The following N4BP2 variants were observed in gnomAD, a reference collection of about 807,000 sequenced individuals.
N4BP2 encodes NEDD4-binding protein 2.
N4BP2 carries 91 observed loss-of-function variants against 152.8 expected under a neutral mutation model. That is an observed-to-expected ratio of 0.60 (90% CI 0.50 to 0.71). The LOEUF (loss-of-function observed/expected upper bound fraction) is 0.71. N4BP2 is among the 30% of genes least tolerant of loss of function. N4BP2 has a pLI of 0.00. For missense variants in N4BP2, 1,923 were observed against 2,059.1 expected (o/e 0.93, Z 1.28); for synonymous variants, 646 against 705.3 (o/e 0.92, Z 1.33).
At position 40,103,235 on chromosome 4, in the gene N4BP2, G is replaced by A; in HGVS notation, c.1373+17G>A. On this transcript the variant is annotated intron_variant, in intron 4 of 17. Transcript: ENST00000261435. ...TTTGGCAAGGTATGAGGTTTGATTG[G>A]GTTTTTAAAAAATAGTATAATGTCT... 1 of 1,566,186 alleles carries A rather than the reference G, an allele frequency of 6.4e-7. No individual in the cohort carries two copies. Among genetic ancestry groups the A allele is most frequent in the South Asian group, 1.2e-5 (1 of 83,110 alleles).
At chr4:40,125,375 C>G (rs1018261040) in intron 11 of N4BP2, among the ~76,000 whole-genome samples, 1 of 152,208 alleles carries the variant, frequency 6.6e-6, no homozygotes, top group East Asian at 1.9e-4. Flanking sequence ...CATTTGCCCA[C>G]TCTTTATTGT....
chr4:40,111,409 A>T (rs113424716), intron 5 of N4BP2, among the ~76,000 whole-genome samples: 1 of 151,450 alleles, frequency 6.6e-6, no homozygotes, highest in Non-Finnish European at 1.5e-5. Flanking sequence ...CAACCTCCGC[A>T]TACCGGGTTC....
intron 2 of N4BP2, among the ~76,000 whole-genome samples, chr4:40,081,938 C>A (rs893537243): frequency 6.6e-6 from 1 of 151,842 alleles, no homozygotes; most frequent in Non-Finnish European, 1.5e-5. Flanking sequence ...CATGGAGAAA[C>A]CCCATCTCTA....
intron 2 of N4BP2, chr4:40,078,113 A>ATGTGTGTGTGTGTGTGTGTGTG (rs71194969): frequency 1.4e-5 from 2 of 142,642 alleles, no homozygotes; most frequent in African/African-American, 5.1e-5. Context: ...ATATTTCTAA[A>ATGTGTGTGTGTGTGTGTGTGTG]TGTGTGTGTG....
chr4:40,123,009 T>C (rs1718077319), intron 9 of N4BP2, 118 bp from the exon 10 acceptor site: 2 of 588,740 alleles, frequency 3.4e-6, no homozygotes, highest in Non-Finnish European at 6.1e-6. Flanking sequence ...AATAGAAGCA[T>C]AAGTTAGGAA....
At chr4:40,073,747 C>T (rs1436115148) in intron 2 of N4BP2, among the ~76,000 whole-genome samples, 196 bp downstream of exon 2, 7 of 152,044 alleles carry the variant, frequency 4.6e-5, no homozygotes, top group African/African-American at 1.7e-4. Context: ...GTGCATGCCA[C>T]CACACCCAGC....
intron 14 of N4BP2, among the ~76,000 whole-genome samples, chr4:40,138,584 G>T (rs1255235544): frequency 6.6e-6 from 1 of 152,202 alleles, no homozygotes; most frequent in Non-Finnish European, 1.5e-5. Flanking sequence ...TTTTGTATAT[G>T]TAGTGAGATA....
At chr4:40,125,692 C>A (rs1317037866) in intron 11 of N4BP2, among the ~76,000 whole-genome samples, 1 of 152,098 alleles carries the variant, frequency 6.6e-6, no homozygotes, top group Non-Finnish European at 1.5e-5. Flanking sequence ...TCAAGACCAG[C>A]CTGGCCAACA....
At chr4:40,182,477 G>T in the N4BP2 span, among the ~76,000 whole-genome samples, 3 of 151,930 alleles carry the variant, frequency 2.0e-5, no homozygotes, top group Admixed American at 6.6e-5. Flanking sequence ...TTGAGACAGG[G>T]TCTCACTTTG....
chr4:40,148,871 A>G (rs1720873902), intron 16 of N4BP2, among the ~76,000 whole-genome samples: 1 of 152,114 alleles, frequency 6.6e-6, no homozygotes, highest in South Asian at 2.1e-4. Flanking sequence ...CAATTTATCC[A>G]TCGATGGACA....
intron 2 of N4BP2, among the ~76,000 whole-genome samples, chr4:40,079,792 A>G (rs1327041422): frequency 3.3e-5 from 5 of 152,026 alleles, no homozygotes; most frequent in Admixed American, 3.3e-4. Flanking sequence ...ACAGAGGGAG[A>G]CTGTCTCAAA....
chr4:40,105,053 C>T (rs1258330380), intron 4 of N4BP2, among the ~76,000 whole-genome samples: 7 of 152,088 alleles, frequency 4.6e-5, no homozygotes, highest in South Asian at 2.1e-4. Flanking sequence ...CCGCCCGCCT[C>T]GGCCTCCCAA....
At position 40,104,018 on chromosome 4, in the gene N4BP2, G is replaced by A. The variant is rs189139618; in HGVS notation, c.1373+800G>A. The stretch of plus-strand genomic sequence containing the variant: ...TGCCCAGGCTGGAGTGCAGTGGCGC[G>A]ATCTCGGCTCACTGCAAGCTCCGCC... On this transcript the variant is annotated intron_variant, in intron 4 of 17. Transcript: ENST00000261435. 2.3e-3 allele frequency among the ~76,000 whole-genome samples: 347 copies of A among 151,884 alleles called. 7 individuals are homozygous for A. The highest frequency in any genetic ancestry group is 0.021 in the Admixed American group (325 of 15,250).
At chr4:40,165,673 G>A in the N4BP2 span, among the ~76,000 whole-genome samples, 3 of 152,250 alleles carry the variant, frequency 2.0e-5, no homozygotes, top group Non-Finnish European at 4.4e-5. Context: ...GTGTGTGTGT[G>A]TATATGTATA....
rs563536989 is a variant in N4BP2, at chr4:40,104,661, G to A, written c.1373+1443G>A. The stretch of plus-strand genomic sequence containing the variant: ...AGTTGAGCTGTGAGACAAGTTTGAA[G>A]AATAGGTTTCAGGGGCCTTTAGAAT... On this transcript the variant is annotated intron_variant, in intron 4 of 17. Coordinates refer to ENST00000261435, the MANE Select transcript of N4BP2 (RefSeq NM_018177.6). 3.3e-5 allele frequency among the ~76,000 whole-genome samples: 5 copies of A among 152,278 alleles called. No homozygotes were observed. The East Asian group carries it at 9.6e-4, about 29-fold the overall frequency.
In N4BP2 at chr4:40,122,885, AT is replaced by A. The variant is rs575925586; in HGVS notation, c.4199-241del. ...GAATAAAGTAAACATATTTAGACTCATGGAAAGGAATAACTTAGATTTACTG... is the reference window on the plus strand; with the variant it reads ...GAATAAAGTAAACATATTTAGACTCAGGAAAGGAATAACTTAGATTTACTG... On this transcript the variant is annotated intron_variant, in intron 9 of 17. Transcript: ENST00000261435. Among the ~76,000 whole-genome samples, 4 of 152,356 alleles carry A rather than the reference AT, an allele frequency of 2.6e-5. No individual in the cohort carries two copies. In the South Asian group the frequency reaches 8.3e-4, roughly 32 times the overall value.
chr4:40,117,162 C>T (rs925367698), intron 7 of N4BP2, among the ~76,000 whole-genome samples: 1 of 152,114 alleles, frequency 6.6e-6, no homozygotes, highest in African/African-American at 2.4e-5. Context: ...CTTTACATTG[C>T]TTCCGTCCCA....
At chr4:40,092,662 G>A (rs1303793473) in intron 2 of N4BP2, among the ~76,000 whole-genome samples, 7 of 76,908 alleles carry the variant, frequency 9.1e-5, no homozygotes, top group Non-Finnish European at 1.7e-4. Context: ...TTTTTTTTTT[G>A]AGACAGAGTC....
At chr4:40,087,513 G>A (rs1560581724) in intron 2 of N4BP2, among the ~76,000 whole-genome samples, 1 of 151,902 alleles carries the variant, frequency 6.6e-6, no homozygotes, top group African/African-American at 2.4e-5. Flanking sequence ...ACAGGCATGT[G>A]CCACCAAACC....
Sources: gnomAD v4.1 joint callset for allele counts (sites outside exome capture counted in the v4.1 genomes callset) on GRCh38, gnomAD v4.1.1 for gene constraint, MANE v1.5 for transcripts, NCBI Gene and HGNC (gene_info 2026-07-23, HGNC 2026-07-21) for gene names.